The following TMEM41B variants were observed in gnomAD, a reference collection of about 807,000 sequenced individuals.
The protein encoded by TMEM41B is transmembrane protein 41B, also known as protein stasimon.
TMEM41B carries 18 observed loss-of-function variants against 31.9 expected under a neutral mutation model. That is an observed-to-expected ratio of 0.56 (90% CI 0.39 to 0.84). The LOEUF (loss-of-function observed/expected upper bound fraction) is 0.84, where lower values mean the gene tolerates loss of function less well. Among genes scored for constraint, TMEM41B ranks in the 40% least tolerant of loss-of-function variants. The pLI is 0.00. For synonymous variants in TMEM41B, 144 were observed against 124.3 expected (o/e 1.16, Z -1.05); for missense variants, 322 against 348.0 (o/e 0.93, Z 0.59).
chr11:9,293,947 G>C (rs1315959992), intron 3 of TMEM41B, among the ~76,000 whole-genome samples: 1 of 152,022 alleles, frequency 6.6e-6, no homozygotes. Flanking sequence ...GCTCATGACT[G>C]AAATCCCAGC....
intron 1 of TMEM41B, among the ~76,000 whole-genome samples, chr11:9,305,064 T>A (rs1392829903): frequency 1.3e-5 from 2 of 152,284 alleles, no homozygotes; most frequent in East Asian, 3.9e-4. Context: ...AGTGCTGGGA[T>A]TACTGGTATG....
chr11:9,289,804 T>C (rs1285168753), intron 3 of TMEM41B, among the ~76,000 whole-genome samples: 3 of 152,212 alleles, frequency 2.0e-5, no homozygotes, highest in Admixed American at 1.3e-4. Context: ...TTCAGTGAAC[T>C]GTACTTTTTC....
At position 9,314,337 on chromosome 11, in the gene TMEM41B, G is replaced by T; in HGVS notation, c.105C>A (p.Ser35Arg). 1 of 1,596,352 alleles carries T rather than the reference G, an allele frequency of 6.3e-7. No individual in the cohort carries two copies. The highest frequency in any genetic ancestry group is 8.5e-7 in the Non-Finnish European group (1 of 1,174,576). ...AGTRGLAAPG[S>R]RDHQKEKSWV... ...CCCACTCACCCTTCTGGTGGTCTCT[G>T]CTGCCAGGCGCCGCGAGACCCCGCG... Residue 35 changes from serine (S) to arginine (R), a missense_variant, in exon 1 of 7, where the codon AGC becomes AGA. By Grantham distance (110) the Ser-to-Arg change is moderately radical. Coordinates refer to ENST00000528080, the MANE Select transcript of TMEM41B (RefSeq NM_015012.4).
intron 1 of TMEM41B, chr11:9,311,518 A>C (rs1853561242): frequency 7.3e-7 from 1 of 1,370,954 alleles, no homozygotes; most frequent in South Asian, 1.3e-5. Flanking sequence ...TGAGGGGGCC[A>C]ACCTGGGGGG....
chr11:9,303,707 G>A (rs1182293711), intron 1 of TMEM41B, among the ~76,000 whole-genome samples: 11 of 124,248 alleles, frequency 8.9e-5, no homozygotes, highest in African/African-American at 2.8e-4. Flanking sequence ...AGCCTCTGTC[G>A]CCCAGTCTGG....
At chr11:9,308,396 A>C (rs2133649208) in intron 1 of TMEM41B, among the ~76,000 whole-genome samples, 1 of 152,260 alleles carries the variant, frequency 6.6e-6, no homozygotes, top group South Asian at 2.1e-4. Context: ...AGAACTTGCT[A>C]AATAAAATAT....
rs1340599390 is a variant in TMEM41B at position 9,281,317 on chromosome 11, G to T, written c.*2107C>A. The T allele has an allele frequency of 6.6e-6, 1 of 152,104 alleles. No homozygotes were observed. The highest frequency in any genetic ancestry group is 1.5e-5 in the Non-Finnish European group (1 of 68,024). 9.4% of individuals were successfully genotyped at this position (152,104 alleles called of 1,614,324 possible). Reference sequence around the variant, plus strand: ...AAAAGATGTATCAGTCAGTCTCTGGGCAATAAGAAAGGAAGAAAGCCTTGC... The same window carrying T: ...AAAAGATGTATCAGTCAGTCTCTGGTCAATAAGAAAGGAAGAAAGCCTTGC... On this transcript the variant is annotated 3_prime_UTR_variant, in exon 7 of 7. Coordinates refer to ENST00000528080, the MANE Select transcript of TMEM41B (RefSeq NM_015012.4).
intron 3 of TMEM41B, among the ~76,000 whole-genome samples, chr11:9,288,894 T>C (rs1169230100): frequency 6.6e-6 from 1 of 152,204 alleles, no homozygotes; most frequent in Non-Finnish European, 1.5e-5. Flanking sequence ...TTATTTCTAA[T>C]TTAACTATGA....
intron 1 of TMEM41B, among the ~76,000 whole-genome samples, chr11:9,302,260 G>A (rs543491602): frequency 1.0e-5 from 1 of 99,120 alleles, no homozygotes. Context: ...CACCCGCCTC[G>A]GCCTCCCAAA....
chr11:9,308,925 T>C (rs1414619392), intron 1 of TMEM41B, among the ~76,000 whole-genome samples: 3 of 152,144 alleles, frequency 2.0e-5, no homozygotes, highest in Non-Finnish European at 4.4e-5. Context: ...AAGGTTAAGC[T>C]GACATCAAAT....
chr11:9,299,272 G>C (rs1299854109), intron 2 of TMEM41B, among the ~76,000 whole-genome samples: 2 of 60,336 alleles, frequency 3.3e-5, no homozygotes, highest in African/African-American at 1.1e-4. Flanking sequence ...GACAGGGCAA[G>C]ACTCTGTCTC....
At position 9,283,504 on chromosome 11, in the gene TMEM41B, T is replaced by A. The variant is rs78813996; in HGVS notation, c.796A>T (p.Ile266Leu). The change falls in exon 7 of 7, where the codon ATA becomes TTA. Residue 266 changes from isoleucine (I) to leucine (L), a missense_variant. By Grantham distance (5) the Ile-to-Leu change is conservative. Transcript: ENST00000528080. ...TAGEAVSWNS[I>L]FILMILAVLS... ...ACAGCCAAGATCATCAGAATAAATA[T>A]TGAGTTCCAGGAAACAGCTTCTCCT... 1.1e-5 allele frequency: 18 copies of A among 1,613,626 alleles called. No individual in the cohort carries two copies. The South Asian group carries it at 1.5e-4, about 14-fold the overall frequency.
chr11:9,283,636 T>A, intron 6 of TMEM41B, 43 bp from the exon 7 acceptor site: 1 of 1,525,732 alleles, frequency 6.6e-7, no homozygotes, highest in South Asian at 1.2e-5. Context: ...CCACCGCAAT[T>A]GTTTTTAAAA....
At chr11:9,295,075 CAATT>C (rs1162769298) in intron 3 of TMEM41B, 180 bp downstream of exon 3, 4 of 864,000 alleles carry the variant, frequency 4.6e-6, no homozygotes, top group Non-Finnish European at 6.1e-6. Context: ...GACATAAAAA[CAATT>C]AGTTCAGCAA....
chr11:9,283,627 C>A, intron 6 of TMEM41B, 34 bp from the exon 7 acceptor site: 2 of 1,557,076 alleles, frequency 1.3e-6, no homozygotes, highest in South Asian at 1.2e-5. Context: ...CAGTAAAAAC[C>A]ACCGCAATTG....
chr11:9,289,235 G>A (rs1009325484), intron 3 of TMEM41B, among the ~76,000 whole-genome samples: 5 of 152,062 alleles, frequency 3.3e-5, no homozygotes, highest in Non-Finnish European at 5.9e-5. Flanking sequence ...GGGCTCAAAC[G>A]ATCCTCCCAC....
Position 9,299,452 on chromosome 11 carries a change from G to C in TMEM41B, c.239+132C>G, listed in dbSNP as rs116788085. 2.1e-3 allele frequency: 1,305 copies of C among 633,232 alleles called. 16 individuals carry two copies. The African/African-American group carries it at 0.022, about 11-fold the overall frequency. The allele number at this position is 633,232 out of a possible 1,614,324, so 39.2% of individuals were successfully genotyped here. ...TGCCCAGGCTGGTCTCGCACTCCTG[G>C]ACTCAACCAATCCACCCACCTCGGC... On this transcript the variant is annotated intron_variant, in intron 2 of 6. Coordinates refer to ENST00000528080, the MANE Select transcript of TMEM41B (RefSeq NM_015012.4).
At chr11:9,295,448 G>T (rs1189348376) in intron 2 of TMEM41B, 61 bp from the exon 3 acceptor site, 7 of 924,366 alleles carry the variant, frequency 7.6e-6, no homozygotes, top group Non-Finnish European at 1.0e-5. Flanking sequence ...TCAAAGTCAA[G>T]TTCACAACAT....
Position 9,283,344 on chromosome 11 carries a change from G to T in TMEM41B, c.*80C>A. 3 of 1,097,750 alleles carry T rather than the reference G, an allele frequency of 2.7e-6. No individual in the cohort carries two copies. The highest frequency in any genetic ancestry group is 1.6e-5 in the South Asian group (1 of 60,818). The allele number at this position is 1,097,750 out of a possible 1,614,324, so 68.0% of individuals were successfully genotyped here. A position where few individuals can be genotyped will look rare whatever the true frequency, so the allele number is the denominator to read the frequency against. ...AATTCCTTGTTTAATTACTGAAGAG[G>T]TGATTTTAAAACATAAATGGATGCA... On this transcript the variant is annotated 3_prime_UTR_variant, in exon 7 of 7. Transcript: ENST00000528080.
Sources: gnomAD v4.1 joint callset for allele counts (sites outside exome capture counted in the v4.1 genomes callset) on GRCh38, gnomAD v4.1.1 for gene constraint, MANE v1.5 for transcripts, NCBI Gene and HGNC (gene_info 2026-07-23, HGNC 2026-07-21) for gene names.